The following KCNQ2 variants were observed in gnomAD, a reference collection of about 807,000 sequenced individuals.
KCNQ2 encodes potassium voltage-gated channel subfamily KQT member 2.
KCNQ2 carries 14 observed loss-of-function variants against 84.8 expected under a neutral mutation model. The observed-to-expected ratio is 0.17, with a 90% CI of 0.11 to 0.26. The LOEUF (loss-of-function observed/expected upper bound fraction) is 0.26, where lower values mean the gene tolerates loss of function less well. Among genes scored for constraint, KCNQ2 ranks in the 10% least tolerant of loss-of-function variants. The pLI is 1.00. For synonymous variants in KCNQ2, 599 were observed against 554.1 expected (o/e 1.08, Z -1.14); for missense variants, 788 against 1,254.0 (o/e 0.63, Z 5.61).
At position 63,445,361 on chromosome 20, in the gene KCNQ2, T is replaced by C; in HGVS notation, c.391A>G (p.Ile131Val). The C allele has an allele frequency of 6.2e-7, 1 of 1,613,590 alleles. No individual in the cohort carries two copies. Among genetic ancestry groups the C allele is most frequent in the Non-Finnish European group, 8.5e-7 (1 of 1,179,872 alleles). The change falls in exon 3 of 17, where the codon ATC becomes GTC. Residue 131 changes from isoleucine (I) to valine (V), a missense_variant. By Grantham distance (29) the Ile-to-Val change is conservative. Around this residue, in one of 8 missense-constraint regions of KCNQ2, gnomAD observed 106 missense variants for 214.8 expected, o/e 0.49. Transcript: ENST00000359125. ...ACGCCAAACACCACGATAGTCACGA[T>C]TTCCTGCAGGGGAGGAAAGCTGAGG... ...SSEGALYILE[I>V]VTIVVFGVEY...
intron 1 of KCNQ2, among the ~76,000 whole-genome samples, chr20:63,470,597 A>C (rs1056093031): frequency 4.6e-5 from 7 of 152,292 alleles, no homozygotes; most frequent in Admixed American, 4.6e-4. Flanking sequence ...CCCTTGGATC[A>C]TGGACTCAAA....
At position 63,445,596 on chromosome 20, in the gene KCNQ2, C is replaced by A. The variant is rs950175768; in HGVS notation, c.388-232G>T. On this transcript the variant is annotated intron_variant, in intron 2 of 16. Transcript: ENST00000359125. ...CAGCTGAGCATGAACACCATGGGGC[C>A]ACCCTCCCCACCTCCCTGTCTGAGC... 113 of 100,572 alleles carry A rather than the reference C, an allele frequency of 1.1e-3. 1 individual carries two copies. The highest frequency in any genetic ancestry group is 7.6e-3 in the Middle Eastern group (4 of 524). 6.2% of individuals were successfully genotyped at this position (100,572 alleles called of 1,614,324 possible).
At chr20:63,442,736 T>A (rs200312378) in intron 4 of KCNQ2, among the ~76,000 whole-genome samples, 19,184 of 35,674 alleles carry the variant, frequency 0.54, 5,763 homozygotes, top group African/African-American at 0.64. Flanking sequence ...CATCACCACC[T>A]CCACCATCAC....
Position 63,402,732 on chromosome 20 carries a change from C to T in KCNQ2, c.*3912G>A, listed in dbSNP as rs920933997. ...AGGGTGCCCCCTGGAGAAGCCCTCA[C>T]AGTGCCTGGGGTGATTTCAGCCTCC... On this transcript the variant is annotated 3_prime_UTR_variant, in exon 17 of 17. Coordinates refer to ENST00000359125, the MANE Select transcript of KCNQ2 (RefSeq NM_172107.4). 2.0e-5 allele frequency: 3 copies of T among 152,342 alleles called. No homozygotes were observed. The highest frequency in any genetic ancestry group is 4.8e-5 in the African/African-American group (2 of 41,472). 9.4% of individuals were successfully genotyped at this position (152,342 alleles called of 1,614,324 possible). A position where few individuals can be genotyped will look rare whatever the true frequency, so the allele number is the denominator to read the frequency against.
At chr20:63,444,480 C>G (rs778041399) in intron 4 of KCNQ2, among the ~76,000 whole-genome samples, 179 bp downstream of exon 4, 1 of 152,156 alleles carries the variant, frequency 6.6e-6, no homozygotes, top group Non-Finnish European at 1.5e-5. Flanking sequence ...GAAGAAGCAC[C>G]GAGAAGAAAG....
At chr20:63,424,796 C>T (rs1309944031) in intron 10 of KCNQ2, among the ~76,000 whole-genome samples, 3 of 152,202 alleles carry the variant, frequency 2.0e-5, no homozygotes, top group African/African-American at 4.8e-5. Context: ...GCTGTTTCCG[C>T]GGGTAAAGGC....
At position 63,472,566 on chromosome 20, in the gene KCNQ2, T is replaced by A. The variant is rs1467147306; in HGVS notation, c.-103A>T. ...CCAGGCCCCCCGGCCGGGAGCCGCA[T>A]GGCCGAGGCGGCGGTTCCGCACTCC... On this transcript the variant is annotated 5_prime_UTR_variant, in exon 1 of 17. It removes an upstream start codon present in the reference 5' UTR. Transcript: ENST00000359125. The A allele has an allele frequency of 4.8e-6, 5 of 1,045,596 alleles. No individual in the cohort carries two copies. The highest frequency in any genetic ancestry group is 6.0e-6 in the Non-Finnish European group (5 of 832,120). The allele number at this position is 1,045,596 out of a possible 1,614,324, so 64.8% of individuals were successfully genotyped here.
At chr20:63,436,741 A>G (rs1247270032) in intron 7 of KCNQ2, among the ~76,000 whole-genome samples, 1 of 151,594 alleles carries the variant, frequency 6.6e-6, no homozygotes, top group Non-Finnish European at 1.5e-5. Context: ...ATGCTACTGC[A>G]CACTTAGTAA....
rs1007813661 is a variant in KCNQ2 at position 63,403,281 on chromosome 20, C to T, written c.*3363G>A. The T allele has an allele frequency of 6.6e-6, 1 of 152,310 alleles. No individual in the cohort carries two copies. The highest frequency in any genetic ancestry group is 1.5e-5 in the Non-Finnish European group (1 of 68,094). 9.4% of individuals were successfully genotyped at this position (152,310 alleles called of 1,614,324 possible). The stretch of plus-strand genomic sequence containing the variant: ...TGACATTCCAGCATCACCACGACCC[C>T]TAAAGCCACAATTACTCCTTGTAGC... On this transcript the variant is annotated 3_prime_UTR_variant, in exon 17 of 17. Coordinates refer to ENST00000359125, the MANE Select transcript of KCNQ2 (RefSeq NM_172107.4).
intron 6 of KCNQ2, 33 bp downstream of exon 6, chr20:63,439,565 C>T (rs975983332): frequency 6.6e-7 from 1 of 1,524,488 alleles, no homozygotes; most frequent in East Asian, 2.3e-5. Context: ...GACCTCGTCC[C>T]CCTCCAAGGC....
chr20:63,408,208 G>A lies in KCNQ2; in HGVS notation c.1887+205C>T, dbSNP rs1243968708. 1.4e-5 allele frequency: 9 copies of A among 639,140 alleles called. No individual in the cohort carries two copies. The East Asian group carries it at 2.6e-4, about 19-fold the overall frequency. 39.6% of individuals were successfully genotyped at this position (639,140 alleles called of 1,614,324 possible). On this transcript the variant is annotated intron_variant, in intron 16 of 16. Transcript: ENST00000359125. The surrounding 1 kb of genome is among the most constrained non-coding windows in gnomAD (Gnocchi z 5.0). ...TTGGCCCTTGGGTACTGTCAGGAGG[G>A]AAGGCACCCAGGCCGGGGGTGGGAG...
At chr20:63,439,547 G>A (rs1327436283) in intron 6 of KCNQ2, 51 bp downstream of exon 6, 1 of 1,378,814 alleles carries the variant, frequency 7.3e-7, no homozygotes, top group Admixed American at 1.7e-5. Context: ...CACCTCGGGA[G>A]CCTACAAGAC....
intron 1 of KCNQ2, chr20:63,459,428 C>T (rs907396331): frequency 1.3e-5 from 2 of 152,236 alleles, no homozygotes; most frequent in Non-Finnish European, 2.9e-5. Context: ...TGGAGGATGG[C>T]TCGAGTCCAG....
At position 63,407,280 on chromosome 20, in the gene KCNQ2, G is replaced by A; in HGVS notation, c.1983C>T (p.Ala661=). Residue 661 remains alanine (A), a synonymous_variant, in exon 17 of 17, where the codon GCC becomes GCT. Transcript: ENST00000359125. This position sits in a 1 kb window ranked among gnomAD's most constrained non-coding sequence, Gnocchi z 7.2. ...PPTETEAYFG[A]KEPEPAPPYH... is the part of the protein sequence containing the mutation. ...ACGGCGGCGCCGGCTCCGGCTCTTT[G>A]GCCCCAAAGTAGGCCTCGGTCTCTG... is the stretch of plus-strand genomic sequence containing the variant. 1.3e-6 allele frequency: 2 copies of A among 1,596,002 alleles called. No individual in the cohort carries two copies. The highest frequency in any genetic ancestry group is 2.2e-5 in the East Asian group (1 of 44,726).
In KCNQ2 at chr20:63,405,372, G is replaced by A. The variant is rs2079905545; in HGVS notation, c.*1272C>T. On this transcript the variant is annotated 3_prime_UTR_variant, in exon 17 of 17. Coordinates refer to ENST00000359125, the MANE Select transcript of KCNQ2 (RefSeq NM_172107.4). ...CCCGCATTAGAGCCGCCTGCCCCAA[G>A]GGCCACGGTGCCCACAACAGGACGG... 6.6e-6 allele frequency: 1 copy of A among 152,404 alleles called. No homozygotes were observed. Among genetic ancestry groups the A allele is most frequent in the South Asian group, 2.1e-4 (1 of 4,830 alleles). 9.4% of individuals were successfully genotyped at this position (152,404 alleles called of 1,614,324 possible).
Position 63,472,205 on chromosome 20 carries a change from G to T in KCNQ2, c.259C>A (p.Arg87=), listed in dbSNP as rs1045819944. 3.3e-6 allele frequency: 5 copies of T among 1,536,872 alleles called. No homozygotes were observed. The highest frequency in any genetic ancestry group is 4.4e-6 in the Non-Finnish European group (5 of 1,143,070). ...TAGATGAACGCCCAGCCGCGCGGCC[G>T]CTCCAGCACGTTGTAGAGGAAATTC... ...LQNFLYNVLE[R]PRGWAFIYHA... Residue 87 remains arginine, a synonymous_variant, in exon 1 of 17, where the codon CGG becomes AGG. Transcript: ENST00000359125.
chr20:63,426,144 C>G (rs2145625586), intron 10 of KCNQ2, among the ~76,000 whole-genome samples: 1 of 152,364 alleles, frequency 6.6e-6, no homozygotes, highest in Non-Finnish European at 1.5e-5. Context: ...GTTCGATGCC[C>G]TCTTACCTTC....
chr20:63,463,086 T>C (rs1054194625), intron 1 of KCNQ2, among the ~76,000 whole-genome samples: 33 of 148,464 alleles, frequency 2.2e-4, no homozygotes, highest in East Asian at 8.1e-4. Flanking sequence ...TGTGTGTGTG[T>C]GCACATGTCA....
At chr20:63,420,927 C>T (rs1051031909) in intron 11 of KCNQ2, among the ~76,000 whole-genome samples, 6 of 152,162 alleles carry the variant, frequency 3.9e-5, no homozygotes, top group Non-Finnish European at 7.4e-5. Context: ...GGAGCCGGCT[C>T]CCTGCGCCTG....
Sources: allele counts gnomAD v4.1 joint callset (sites outside exome capture counted in the v4.1 genomes callset), GRCh38; gene constraint gnomAD v4.1.1; regional missense constraint gnomAD v4.1.1; non-coding constraint Gnocchi (gnomAD v3.1); transcripts MANE v1.5; gene names NCBI Gene and HGNC (gene_info 2026-07-23, HGNC 2026-07-21).